The following PGK1 variants were observed in gnomAD, a reference collection of about 807,000 sequenced individuals.
The protein encoded by PGK1 is PRP 2.
A neutral mutation model predicts 26.9 loss-of-function variants in PGK1; 3 were observed. The ratio of observed to expected loss-of-function variants is 0.11; its 90% CI spans 0.05 to 0.29. The LOEUF is 0.29. Ranked by LOEUF, PGK1 falls within the 10% of genes least tolerant of loss-of-function variation. The pLI, the probability that PGK1 is intolerant of heterozygous loss-of-function variation, is 1.00. For synonymous variants in PGK1, 125 were observed against 115.3 expected, an observed-to-expected ratio of 1.08 and a Z score of -0.54; for missense variants, 270 against 314.7, an observed-to-expected ratio of 0.86 and a Z score of 1.07.
At chrX:78,110,140 TAGA>T (rs1368169466) in intron 2 of PGK1, among the ~76,000 whole-genome samples, 2 of 111,158 alleles carry the variant, frequency 1.8e-5, no homozygotes, top group African/African-American at 6.6e-5. Context: ...TTTTGAAAAT[TAGA>T]AGAATTTGGA....
chrX:78,111,945 A>G (rs980182036), intron 2 of PGK1, among the ~76,000 whole-genome samples: 11 of 112,557 alleles, frequency 9.8e-5, no homozygotes, highest in Non-Finnish European at 1.3e-4. Flanking sequence ...CCATTGCACA[A>G]ACTTTGTACC....
chrX:78,123,862 C>T (rs781969270), intron 8 of PGK1, among the ~76,000 whole-genome samples: 1 of 111,416 alleles, frequency 9.0e-6, no homozygotes, highest in Admixed American at 9.5e-5. Context: ...CTGCTGCGGC[C>T]TCCCAAAGTG....
intron 8 of PGK1, among the ~76,000 whole-genome samples, chrX:78,123,865 C>T (rs782668176): frequency 1.3e-4 from 15 of 111,461 alleles, no homozygotes; most frequent in Non-Finnish European, 2.6e-4. Flanking sequence ...CTGCGGCCTC[C>T]CAAAGTGCTG....
At chrX:78,116,922 A>G (rs2078329262) in intron 4 of PGK1, among the ~76,000 whole-genome samples, 1 of 111,591 alleles carries the variant, frequency 9.0e-6, no homozygotes, top group South Asian at 3.8e-4. Flanking sequence ...GGTAGCCAGC[A>G]GCTTGAGTCA....
intron 2 of PGK1, among the ~76,000 whole-genome samples, chrX:78,111,364 G>T (rs2078300373): frequency 8.9e-6 from 1 of 112,477 alleles, no homozygotes; most frequent in Non-Finnish European, 1.9e-5. Flanking sequence ...ACAGGCATGA[G>T]TCACTGTGCT....
Position 78,109,925 on chromosome X carries a change from C to T in PGK1, c.116+8C>T, listed in dbSNP as rs369581587. ...GATAACAAACAACCAGAGGTAAGGTCCCTGCTAATCCTTGGGCTGGGTTTA... is the reference window on the plus strand; with the variant it reads ...GATAACAAACAACCAGAGGTAAGGTTCCTGCTAATCCTTGGGCTGGGTTTA... On this transcript the variant is annotated splice_region_variant and intron_variant, in intron 2 of 10. Transcript: ENST00000373316. 7.0e-6 allele frequency: 8 copies of T among 1,134,869 alleles called. No individual in the cohort carries two copies. Among genetic ancestry groups the T allele is most frequent in the Admixed American group, 2.2e-5 (1 of 45,578 alleles). 93.5% of individuals were successfully genotyped at this position (1,134,869 alleles called of 1,213,427 possible).
chrX:78,123,052 TC>T (rs1411291927), intron 7 of PGK1, 103 bp downstream of exon 7: 2 of 728,118 alleles, frequency 2.7e-6, no homozygotes, highest in Non-Finnish European at 4.4e-6. Flanking sequence ...CCCTGAAAAT[TC>T]CCATTTTTAT....
At chrX:78,108,098 G>A (rs1337446166) in intron 1 of PGK1, among the ~76,000 whole-genome samples, 1 of 112,031 alleles carries the variant, frequency 8.9e-6, no homozygotes, top group Non-Finnish European at 1.9e-5. Context: ...AGGAGATAAG[G>A]GGAGGTAATC....
chrX:78,118,063 A>G lies in PGK1; in HGVS notation c.534A>G (p.Gly178=). The G allele has an allele frequency of 8.3e-7, 1 of 1,206,102 alleles. No individual in the cohort carries two copies. Among genetic ancestry groups the G allele is most frequent in the Non-Finnish European group, 1.1e-6 (1 of 891,549 alleles). ...TGATCTTTTCTAGCTCCATGGTAGGAGTCAATCTGCCACAGAAGGCTGGTG... is the reference window on the plus strand; with the variant it reads ...TGATCTTTTCTAGCTCCATGGTAGGGGTCAATCTGCCACAGAAGGCTGGTG... The part of the protein sequence containing the change: ...TAHRAHSSMV[G]VNLPQKAGGF... Residue 178 remains glycine (G), a synonymous_variant, in exon 6 of 11, where the codon GGA becomes GGG. Coordinates refer to ENST00000373316, the MANE Select transcript of PGK1 (RefSeq NM_000291.4).
In PGK1 at chrX:78,115,164, C is replaced by G. The variant is rs578185437; in HGVS notation, c.417+1004C>G. On this transcript the variant is annotated intron_variant, in intron 4 of 10. Coordinates refer to ENST00000373316, the MANE Select transcript of PGK1 (RefSeq NM_000291.4). Reference sequence around the variant, plus strand: ...ACCTAAAATTTGGTGTCCTTTTAATCTGGAACTCATGATGCATGAACTCTA... The same window carrying G: ...ACCTAAAATTTGGTGTCCTTTTAATGTGGAACTCATGATGCATGAACTCTA... Among the ~76,000 whole-genome samples the G allele has an allele frequency of 2.7e-5, 3 of 111,539 alleles. No homozygotes were observed. The East Asian group carries it at 8.4e-4, about 31-fold the overall frequency.
chrX:78,125,002 C>T lies in PGK1; in HGVS notation c.1065C>T (p.Leu355=). 8.3e-7 allele frequency: 1 copy of T among 1,210,738 alleles called. No individual in the cohort carries two copies. Among genetic ancestry groups the T allele is most frequent in the Admixed American group, 2.2e-5 (1 of 46,005 alleles). The change falls in exon 9 of 11, where the codon CTC becomes CTT. Residue 355 remains leucine (L), a synonymous_variant. Transcript: ENST00000373316. ...WEAFARGTKA[L]MDEVVKATSR... Reference sequence around the variant, plus strand: ...CTTTTGCCCGGGGAACCAAAGCTCTCATGGATGAGGTGGTGAAAGCCACTT... The same window carrying T: ...CTTTTGCCCGGGGAACCAAAGCTCTTATGGATGAGGTGGTGAAAGCCACTT...
chrX:78,118,428 A>T (rs2078336693), intron 6 of PGK1, among the ~76,000 whole-genome samples: 1 of 110,093 alleles, frequency 9.1e-6, no homozygotes, highest in African/African-American at 3.3e-5. Flanking sequence ...ACAAAAAAAA[A>T]TTAGCTGGGC....
intron 2 of PGK1, among the ~76,000 whole-genome samples, chrX:78,113,259 C>G (rs1418576639): frequency 9.0e-6 from 1 of 111,244 alleles, no homozygotes. Flanking sequence ...GATTGTGCCT[C>G]TCCACTCCAG....
At chrX:78,118,695 C>T (rs1557247713) in intron 6 of PGK1, among the ~76,000 whole-genome samples, 1 of 111,730 alleles carries the variant, frequency 9.0e-6, no homozygotes. Context: ...TACCAACAGG[C>T]ATCACCATTT....
chrX:78,106,033 AC>A (rs1337154700), intron 1 of PGK1, among the ~76,000 whole-genome samples: 1 of 112,112 alleles, frequency 8.9e-6, no homozygotes, highest in Non-Finnish European at 1.9e-5. Context: ...TATGCTGATA[AC>A]CTTCCTGTAA....
chrX:78,123,423 G>A (rs1356700757), intron 8 of PGK1, 49 bp downstream of exon 8: 1 of 979,747 alleles, frequency 1.0e-6, no homozygotes, highest in East Asian at 3.1e-5. Context: ...AAACTCTGTG[G>A]TGTCATTTAT....
At position 78,104,286 on chromosome X, in the gene PGK1, G is replaced by A. The variant is rs1206652039; in HGVS notation, c.-55G>A. 1 of 941,514 alleles carries A rather than the reference G, an allele frequency of 1.1e-6. No homozygotes were observed. Among genetic ancestry groups the A allele is most frequent in the East Asian group, 3.1e-5 (1 of 32,479 alleles). The allele number at this position is 941,514 out of a possible 1,213,427, so 77.6% of individuals were successfully genotyped here. A position where few individuals can be genotyped will look rare whatever the true frequency, so the allele number is the denominator to read the frequency against. ...CAAGCCTCCGGAGCGCACGTCGGCA[G>A]TCGGCTCCCTCGTTGACCGAATCAC... On this transcript the variant is annotated 5_prime_UTR_variant, in exon 1 of 11. Coordinates refer to ENST00000373316, the MANE Select transcript of PGK1 (RefSeq NM_000291.4).
At chrX:78,117,460 A>G (rs201837849) in intron 5 of PGK1, 45 bp downstream of exon 5, 8 of 861,833 alleles carry the variant, frequency 9.3e-6, no homozygotes, top group Non-Finnish European at 1.4e-5. Context: ...CAGTATTCCT[A>G]TTTACTTGAG....
At position 78,123,369 on chromosome X, in the gene PGK1, T is replaced by C; in HGVS notation, c.931T>C (p.Trp311Arg). The change falls in exon 8 of 11, where the codon TGG (tryptophan) becomes CGG (arginine). Residue 311 changes from tryptophan to arginine, a missense_variant. By Grantham distance (101) the Trp-to-Arg change is moderately radical. Coordinates refer to ENST00000373316, the MANE Select transcript of PGK1 (RefSeq NM_000291.4). ...ATVASGIPAG[W>R]MGLDCGPESS... is the part of the protein sequence containing the mutation. The stretch of plus-strand genomic sequence containing the variant: ...TGTGGCTTCTGGCATACCTGCTGGC[T>C]GGATGGTGAGTCACTTGAGTGGGTT... The C allele has an allele frequency of 2.5e-6, 3 of 1,204,107 alleles. No individual in the cohort carries two copies. The highest frequency in any genetic ancestry group is 2.3e-6 in the Non-Finnish European group (2 of 888,841).
Sources: gnomAD v4.1 joint callset for allele counts (sites outside exome capture counted in the v4.1 genomes callset) on GRCh38, gnomAD v4.1.1 for gene constraint, MANE v1.5 for transcripts, NCBI Gene and HGNC (gene_info 2026-07-23, HGNC 2026-07-21) for gene names.